CCL4L2: variants seen among roughly 807,000 people sequenced by gnomAD.
CCL4L2 encodes C-C motif chemokine ligand 4 like 2.
In CCL4L2, 3 loss-of-function variants were observed where a neutral mutation model predicts 5.9. The ratio of observed to expected loss-of-function variants is 0.51; its 90% confidence interval spans 0.23 to 1.32. CCL4L2 has a LOEUF of 1.32. Ranked by LOEUF, CCL4L2 falls within the 40% of genes most tolerant of loss-of-function variation. CCL4L2 has a pLI of 0.18. For missense variants in CCL4L2, 74 were observed against 121.2 expected (o/e 0.61, Z 1.83); for synonymous variants, 36 against 47.6 (o/e 0.76, Z 1.00).
At position 36,212,490 on chromosome 17, in the gene CCL4L2, C is replaced by G; in HGVS notation, c.*67C>G. The G allele has an allele frequency of 6.3e-7, 1 of 1,581,354 alleles. No individual in the cohort carries two copies. Among genetic ancestry groups the G allele is most frequent in the East Asian group, 2.2e-5 (1 of 44,596 alleles). Reference sequence around the variant, plus strand: ...TGCTCCTTGTTCTACGGATTCCAAACCAAAAGAGGCAAGCAAGTCTGCGCT... The same window carrying G: ...TGCTCCTTGTTCTACGGATTCCAAAGCAAAAGAGGCAAGCAAGTCTGCGCT... On this transcript the variant is annotated 3_prime_UTR_variant, in exon 3 of 3. Transcript: ENST00000617405.
In CCL4L2 at chr17:36,212,361, C is replaced by T. The variant is rs1328518485; in HGVS notation, c.250C>T (p.Gln84Ter). The change falls in exon 3 of 3, where the codon CAG becomes TAG. Residue 84 changes from glutamine to a stop codon, truncating the protein, a stop_gained. Coordinates refer to ENST00000617405, the MANE Select transcript of CCL4L2 (RefSeq NM_001291475.2). LOFTEE classifies it low-confidence loss of function (END_TRUNC). ...CTGCTCCGGGAAGGATCCCATCCACCAGAGCTGCCCCACATGGACCATGGT... is the reference window on the plus strand; with the variant it reads ...CTGCTCCGGGAAGGATCCCATCCACTAGAGCTGCCCCACATGGACCATGGT... 1 of 1,240,828 alleles carries T rather than the reference C, an allele frequency of 8.1e-7. No individual in the cohort carries two copies. The highest frequency in any genetic ancestry group is 1.4e-5 in the African/African-American group (1 of 73,380). 76.9% of individuals were successfully genotyped at this position (1,240,828 alleles called of 1,614,324 possible). A position where few individuals can be genotyped will look rare whatever the true frequency, so the allele number is the denominator to read the frequency against.
Position 36,211,189 on chromosome 17 carries a change from C to A in CCL4L2, c.48C>A (p.Ala16=). 6.3e-7 allele frequency: 1 copy of A among 1,581,518 alleles called. No individual in the cohort carries two copies. The highest frequency in any genetic ancestry group is 8.6e-7 in the Non-Finnish European group (1 of 1,156,740). ...TGTCTCTCCTCGTGCTAGTAGCTGCCTTCTGCTCTCTAGCACTCTCAGCAC... is the reference window on the plus strand; with the variant it reads ...TGTCTCTCCTCGTGCTAGTAGCTGCATTCTGCTCTCTAGCACTCTCAGCAC... Residue 16 remains alanine, a synonymous_variant, in exon 1 of 3, where the codon GCC becomes GCA. Coordinates refer to ENST00000617405, the MANE Select transcript of CCL4L2 (RefSeq NM_001291475.2).
Position 36,211,197 on chromosome 17 carries a change from C to A in CCL4L2, c.56C>A (p.Ser19Tyr). Reference sequence around the variant, plus strand: ...CTCGTGCTAGTAGCTGCCTTCTGCTCTCTAGCACTCTCAGCACCAAGTAAG... The same window carrying A: ...CTCGTGCTAGTAGCTGCCTTCTGCTATCTAGCACTCTCAGCACCAAGTAAG... Residue 19 changes from serine (S) to tyrosine (Y), a missense_variant, in exon 1 of 3, where the codon TCT becomes TAT. Coordinates refer to ENST00000617405, the MANE Select transcript of CCL4L2 (RefSeq NM_001291475.2). 1 of 1,581,648 alleles carries A rather than the reference C, an allele frequency of 6.3e-7. No homozygotes were observed. The highest frequency in any genetic ancestry group is 8.6e-7 in the Non-Finnish European group (1 of 1,156,722).
chr17:36,212,279 C>T (rs1205431279), intron 2 of CCL4L2: 6 of 817,312 alleles, frequency 7.3e-6, no homozygotes, highest in South Asian at 2.9e-5. Context: ...CTGGGCAACC[C>T]CTGGGGCCCA....
In CCL4L2 at chr17:36,212,455, C is replaced by A. The variant is rs573491211; in HGVS notation, c.*32C>A. The A allele has an allele frequency of 6.3e-7, 1 of 1,580,748 alleles. No homozygotes were observed. On this transcript the variant is annotated 3_prime_UTR_variant, in exon 3 of 3. Coordinates refer to ENST00000617405, the MANE Select transcript of CCL4L2 (RefSeq NM_001291475.2). ...ATGACCTCAAAGGTCCCATGGGATT[C>A]TAATCTGTCTGCTCCTTGTTCTACG...
rs913678888 is a variant in CCL4L2 at position 36,212,771 on chromosome 17, A to G, written c.*348A>G. The G allele has an allele frequency of 6.1e-5, 43 of 702,284 alleles. 4 individuals carry two copies. The highest frequency in any genetic ancestry group is 1.0e-4 in the Admixed American group (4 of 39,212). 43.5% of individuals were successfully genotyped at this position (702,284 alleles called of 1,614,324 possible). A position where few individuals can be genotyped will look rare whatever the true frequency, so the allele number is the denominator to read the frequency against. On this transcript the variant is annotated 3_prime_UTR_variant, in exon 3 of 3. Coordinates refer to ENST00000617405, the MANE Select transcript of CCL4L2 (RefSeq NM_001291475.2). ...TTTAGCCAAAGGATAAGTGTCCCCT[A>G]TGGGGATGGTCCACTCTCACTCTTT...
At chr17:36,212,113 C>T (rs1201294507) in intron 2 of CCL4L2, 8 of 721,532 alleles carry the variant, frequency 1.1e-5, no homozygotes, top group Middle Eastern at 2.7e-4. Context: ...GGAAGTTATT[C>T]AGAGGACAGG....
chr17:36,212,572 T>A lies in CCL4L2; in HGVS notation c.*149T>A. 6.3e-7 allele frequency: 1 copy of A among 1,581,560 alleles called. No homozygotes were observed. The highest frequency in any genetic ancestry group is 8.6e-7 in the Non-Finnish European group (1 of 1,156,564). On this transcript the variant is annotated 3_prime_UTR_variant, in exon 3 of 3. Transcript: ENST00000617405. The stretch of plus-strand genomic sequence containing the variant: ...TGTATGACCTGGAACTGAACTGAGC[T>A]GCTCAGAGACAGGAAGTCTTCAGGG...
In CCL4L2 at chr17:36,211,124, C is replaced by A; in HGVS notation, c.-18C>A. 3 of 1,579,768 alleles carry A rather than the reference C, an allele frequency of 1.9e-6. No homozygotes were observed. Among genetic ancestry groups the A allele is most frequent in the South Asian group, 2.2e-5 (2 of 89,076 alleles). ...TCTGCAGCCTCACCTCTGAGAAAACCTCTTTGCCACCAATACCATGAAGCT... is the reference window on the plus strand; with the variant it reads ...TCTGCAGCCTCACCTCTGAGAAAACATCTTTGCCACCAATACCATGAAGCT... On this transcript the variant is annotated 5_prime_UTR_variant, in exon 1 of 3. Transcript: ENST00000617405.
chr17:36,212,772 T>C lies in CCL4L2; in HGVS notation c.*349T>C, dbSNP rs1329253043. 1.4e-6 allele frequency: 1 copy of C among 700,946 alleles called. No homozygotes were observed. The highest frequency in any genetic ancestry group is 2.5e-6 in the Non-Finnish European group (1 of 407,350). 43.4% of individuals were successfully genotyped at this position (700,946 alleles called of 1,614,324 possible). ...TTAGCCAAAGGATAAGTGTCCCCTA[T>C]GGGGATGGTCCACTCTCACTCTTTC... On this transcript the variant is annotated 3_prime_UTR_variant, in exon 3 of 3. Coordinates refer to ENST00000617405, the MANE Select transcript of CCL4L2 (RefSeq NM_001291475.2).
intron 2 of CCL4L2, 95 bp downstream of exon 2, chr17:36,211,985 A>C: frequency 7.4e-7 from 1 of 1,345,848 alleles, no homozygotes; most frequent in Non-Finnish European, 1.1e-6. Flanking sequence ...AGCGTTGGGG[A>C]GGCAGCTCTC....
Position 36,211,887 on chromosome 17 carries a change from T to C in CCL4L2, c.188T>C (p.Val63Ala). 3 of 1,577,784 alleles carry C rather than the reference T, an allele frequency of 1.9e-6. No individual in the cohort carries two copies. Among genetic ancestry groups the C allele is most frequent in the Non-Finnish European group, 2.6e-6 (3 of 1,154,280 alleles). Residue 63 changes from valine (V) to alanine (A), a missense_variant, in exon 2 of 3, where the codon GTG becomes GCG. Val to Ala is a moderately conservative substitution (Grantham distance 64). Coordinates refer to ENST00000617405, the MANE Select transcript of CCL4L2 (RefSeq NM_001291475.2). ...AGCAGCCTCTGCTCCCAGCCAGCTG[T>C]GGTGTGAGTATCAACCCCTGGCTGC...
Position 36,212,820 on chromosome 17 carries a change from T to C in CCL4L2, c.*397T>C. On this transcript the variant is annotated 3_prime_UTR_variant, in exon 3 of 3. Coordinates refer to ENST00000617405, the MANE Select transcript of CCL4L2 (RefSeq NM_001291475.2). ...TTCTCTGCTGTTGCAAATACATGGA[T>C]AACACCGTTAATTCCATGTGTTTTC... 1.8e-6 allele frequency: 1 copy of C among 559,284 alleles called. No homozygotes were observed. The highest frequency in any genetic ancestry group is 2.8e-5 in the East Asian group (1 of 35,966). 34.6% of individuals were successfully genotyped at this position (559,284 alleles called of 1,614,324 possible). A position where few individuals can be genotyped will look rare whatever the true frequency, so the allele number is the denominator to read the frequency against.
At chr17:36,212,254 C>A in intron 2 of CCL4L2, 1 of 735,682 alleles carries the variant, frequency 1.4e-6, no homozygotes, top group South Asian at 1.5e-5. Context: ...ATTGCAATGC[C>A]CACTGGTTCC....
In CCL4L2 at chr17:36,212,412, G is replaced by A. The variant is rs1234163697; in HGVS notation, c.301G>A (p.Gly101Ser). The A allele has an allele frequency of 2.6e-6, 4 of 1,546,570 alleles. No individual in the cohort carries two copies. The East Asian group carries it at 6.7e-5, about 26-fold the overall frequency. Residue 101 changes from glycine to serine, a missense_variant, in exon 3 of 3, where the codon GGC (glycine) becomes AGC (serine). Coordinates refer to ENST00000617405, the MANE Select transcript of CCL4L2 (RefSeq NM_001291475.2). ...CAGGCAGAGGAAGATGCCTACCACA[G>A]GCAAGGGATAAAGCCAGATGACCTC...
Position 36,212,155 on chromosome 17 carries a change from A to G in CCL4L2, c.192-148A>G, listed in dbSNP as rs2068794589. ...GGGGAAGGCAGACAGGTCCCGTGAG[A>G]TATGGACCAATTCCTTAAACCATGC... is the stretch of plus-strand genomic sequence containing the variant. On this transcript the variant is annotated intron_variant, in intron 2 of 2. Coordinates refer to ENST00000617405, the MANE Select transcript of CCL4L2 (RefSeq NM_001291475.2). The G allele has an allele frequency of 5.7e-6, 4 of 696,128 alleles. No individual in the cohort carries two copies. In the Admixed American group the frequency reaches 8.2e-5, roughly 14 times the overall value. The allele number at this position is 696,128 out of a possible 1,614,324, so 43.1% of individuals were successfully genotyped here.
rs1323364233 is a variant in CCL4L2 at position 36,212,331 on chromosome 17, C to G, written c.220C>G (p.Gln74Glu). The G allele has an allele frequency of 9.9e-7, 1 of 1,005,250 alleles. No individual in the cohort carries two copies. The highest frequency in any genetic ancestry group is 1.6e-6 in the Non-Finnish European group (1 of 632,486). 62.3% of individuals were successfully genotyped at this position (1,005,250 alleles called of 1,614,324 possible). ...GTGGAAGTTACAGGGAGTCTGCTTC[C>G]AGTGCTGCTCCGGGAAGGATCCCAT... The change falls in exon 3 of 3, where the codon CAG becomes GAG. Residue 74 changes from glutamine to glutamate, a missense_variant. Coordinates refer to ENST00000617405, the MANE Select transcript of CCL4L2 (RefSeq NM_001291475.2).
chr17:36,212,095 C>G lies in CCL4L2; in HGVS notation c.191+205C>G, dbSNP rs1215546215. On this transcript the variant is annotated intron_variant, in intron 2 of 2. Coordinates refer to ENST00000617405, the MANE Select transcript of CCL4L2 (RefSeq NM_001291475.2). ...GTGGCAGCCGAGACAGAAGGGGGTT[C>G]CTGGGGAGGAAGTTATTCAGAGGAC... is the stretch of plus-strand genomic sequence containing the variant. 2.9e-5 allele frequency: 22 copies of G among 750,674 alleles called. 1 individual carries two copies. The highest frequency in any genetic ancestry group is 6.4e-5 in the African/African-American group (4 of 62,682). 46.5% of individuals were successfully genotyped at this position (750,674 alleles called of 1,614,324 possible). A position where few individuals can be genotyped will look rare whatever the true frequency, so the allele number is the denominator to read the frequency against.
In CCL4L2 at chr17:36,212,652, G is replaced by T; in HGVS notation, c.*229G>T. 5 of 1,445,440 alleles carry T rather than the reference G, an allele frequency of 3.5e-6. No homozygotes were observed. The highest frequency in any genetic ancestry group is 4.9e-6 in the Non-Finnish European group (5 of 1,030,680). 89.5% of individuals were successfully genotyped at this position (1,445,440 alleles called of 1,614,324 possible). ...TGAGCCGCATCTCCTCCATACTCAG[G>T]ACTCCTCTCCGCAGTTCCTGTCTCT... On this transcript the variant is annotated 3_prime_UTR_variant, in exon 3 of 3. Coordinates refer to ENST00000617405, the MANE Select transcript of CCL4L2 (RefSeq NM_001291475.2).
Sources: allele counts gnomAD v4.1 joint callset, GRCh38; gene constraint gnomAD v4.1.1; transcripts MANE v1.5; gene names NCBI Gene and HGNC (gene_info 2026-07-23, HGNC 2026-07-21).